ANKRD33B: variants seen among roughly 807,000 people sequenced by gnomAD.
ANKRD33B encodes the protein ankyrin repeat domain-containing protein 33B.
In ANKRD33B, 6 loss-of-function variants were observed where a neutral mutation model predicts 21.5. That is an observed-to-expected ratio of 0.28 (90% CI 0.15 to 0.55). The LOEUF (loss-of-function observed/expected upper bound fraction) is 0.55. Ranked by LOEUF, ANKRD33B falls within the 20% of genes least tolerant of loss-of-function variation. The pLI is 0.94. For missense variants in ANKRD33B, 698 were observed against 747.2 expected (o/e 0.93, Z 0.77); for synonymous variants, 347 against 342.4 (o/e 1.01, Z -0.15).
intron 2 of ANKRD33B, among the ~76,000 whole-genome samples, chr5:10,636,381 G>A (rs35950223): frequency 0.064 from 9,772 of 152,224 alleles, 387 homozygotes; most frequent in Middle Eastern, 0.18. Context: ...GGAGGCTGAG[G>A]CAGGAGAACT....
intron 1 of ANKRD33B, among the ~76,000 whole-genome samples, chr5:10,577,396 T>G (rs931040724): frequency 2.0e-5 from 3 of 152,200 alleles, no homozygotes; most frequent in African/African-American, 4.8e-5. Flanking sequence ...TCCCGTAGAT[T>G]ACAGGCGTGA....
At chr5:10,638,883 GCGGGT>G (rs1228290227) in intron 3 of ANKRD33B, among the ~76,000 whole-genome samples, 8,401 of 146,348 alleles carry the variant, frequency 0.057, 1,968 homozygotes, top group Non-Finnish European at 0.087. Context: ...GGTAATGTTA[GCGGGT>G]GACGTGGAGT....
rs1290727517 is a variant in ANKRD33B at position 10,650,119 on chromosome 5, C to G, written c.*6C>G. 1.4e-6 allele frequency: 2 copies of G among 1,476,750 alleles called. No individual in the cohort carries two copies. The highest frequency in any genetic ancestry group is 1.5e-5 in the African/African-American group (1 of 68,006). 91.5% of individuals were successfully genotyped at this position (1,476,750 alleles called of 1,614,324 possible). A position where few individuals can be genotyped will look rare whatever the true frequency, so the allele number is the denominator to read the frequency against. Reference sequence around the variant, plus strand: ...CCTGGAAGAAGAGGACGTGAGGGCCCGTGTGCCTGGCGCTGGGGCCGGGGC... The same window carrying G: ...CCTGGAAGAAGAGGACGTGAGGGCCGGTGTGCCTGGCGCTGGGGCCGGGGC... On this transcript the variant is annotated 3_prime_UTR_variant, in exon 4 of 4. Transcript: ENST00000296657.
chr5:10,607,731 G>A (rs1736080362), intron 1 of ANKRD33B, among the ~76,000 whole-genome samples: 1 of 152,172 alleles, frequency 6.6e-6, no homozygotes, highest in African/African-American at 2.4e-5. Flanking sequence ...GTGTTGTCAG[G>A]GACATTTTTG....
chr5:10,579,562 G>A (rs1381048290), intron 1 of ANKRD33B, among the ~76,000 whole-genome samples: 1 of 152,040 alleles, frequency 6.6e-6, no homozygotes, highest in African/African-American at 2.4e-5. Flanking sequence ...AAAATACCAG[G>A]TTCTTTACCT....
intron 2 of ANKRD33B, among the ~76,000 whole-genome samples, chr5:10,626,700 G>C (rs940570760): frequency 5.3e-5 from 8 of 152,192 alleles, no homozygotes; most frequent in Admixed American, 2.0e-4. Flanking sequence ...ACGGCTTCAC[G>C]TTGCAACACT....
At chr5:10,632,643 GT>G (rs1736753137) in intron 2 of ANKRD33B, among the ~76,000 whole-genome samples, 1 of 152,142 alleles carries the variant, frequency 6.6e-6, no homozygotes, top group Non-Finnish European at 1.5e-5. Flanking sequence ...TGGCTTCCTG[GT>G]GAGCTCCCCA....
At chr5:10,618,550 G>T in intron 2 of ANKRD33B, 88 bp downstream of exon 2, 1 of 1,432,348 alleles carries the variant, frequency 7.0e-7, no homozygotes, top group East Asian at 2.5e-5. Context: ...ATGCAGTCAG[G>T]ATGGAAATGA....
chr5:10,615,427 CAG>C (rs1357723336), intron 1 of ANKRD33B, among the ~76,000 whole-genome samples: 1 of 152,170 alleles, frequency 6.6e-6, no homozygotes, highest in African/African-American at 2.4e-5. Flanking sequence ...AAGTGAGAAA[CAG>C]ATCATCTGAG....
chr5:10,568,520 G>A (rs1735107292), intron 1 of ANKRD33B, among the ~76,000 whole-genome samples: 1 of 152,162 alleles, frequency 6.6e-6, no homozygotes, highest in African/African-American at 2.4e-5. Flanking sequence ...TGTCCTGATG[G>A]GATTCTGCTT....
At chr5:10,584,463 T>C (rs1176228318) in intron 1 of ANKRD33B, among the ~76,000 whole-genome samples, 1 of 151,878 alleles carries the variant, frequency 6.6e-6, no homozygotes, top group East Asian at 1.9e-4. Context: ...GGAGGATCAC[T>C]TGAGCTGGAA....
chr5:10,571,932 A>G (rs1324802430), intron 1 of ANKRD33B, among the ~76,000 whole-genome samples: 3 of 145,788 alleles, frequency 2.1e-5, no homozygotes, highest in African/African-American at 7.6e-5. Flanking sequence ...CTTATTGCCC[A>G]GGCCGGAGTG....
At chr5:10,622,188 G>T (rs1736435775) in intron 2 of ANKRD33B, among the ~76,000 whole-genome samples, 2 of 152,202 alleles carry the variant, frequency 1.3e-5, no homozygotes, top group Admixed American at 6.5e-5. Flanking sequence ...TTCTAACCTT[G>T]TAGAGTTGTG....
chr5:10,565,917 G>T (rs1447440841), intron 1 of ANKRD33B, among the ~76,000 whole-genome samples: 1 of 152,194 alleles, frequency 6.6e-6, no homozygotes, highest in Non-Finnish European at 1.5e-5. Flanking sequence ...TTTGACTTGG[G>T]GACCCGGGTG....
At chr5:10,635,673 G>T (rs1480850408) in intron 2 of ANKRD33B, among the ~76,000 whole-genome samples, 1 of 152,210 alleles carries the variant, frequency 6.6e-6, no homozygotes, top group African/African-American at 2.4e-5. Flanking sequence ...GATTTTGGTT[G>T]CCTGTTCCTT....
intron 2 of ANKRD33B, among the ~76,000 whole-genome samples, chr5:10,630,424 C>A (rs1379110777): frequency 6.6e-6 from 1 of 152,188 alleles, no homozygotes; most frequent in Admixed American, 6.5e-5. Flanking sequence ...ATCACGCCTG[C>A]AAACATCCCA....
chr5:10,605,928 G>A (rs73741401), intron 1 of ANKRD33B, among the ~76,000 whole-genome samples: 284 of 152,324 alleles, frequency 1.9e-3, no homozygotes, highest in African/African-American at 6.4e-3. Flanking sequence ...CTTAATTTCA[G>A]AAAGATTAAG....
rs1189379510 is a variant in ANKRD33B, at chr5:10,650,818, A to C, written c.*705A>C. 1 of 152,388 alleles carries C rather than the reference A, an allele frequency of 6.6e-6. No individual in the cohort carries two copies. The highest frequency in any genetic ancestry group is 2.4e-5 in the African/African-American group (1 of 41,462). 9.4% of individuals were successfully genotyped at this position (152,388 alleles called of 1,614,324 possible). On this transcript the variant is annotated 3_prime_UTR_variant, in exon 4 of 4. Coordinates refer to ENST00000296657, the MANE Select transcript of ANKRD33B (RefSeq NM_001164440.2). ...TATATTGAGGAAAAACATATTGTCA[A>C]ATTATAAAACAATGGAGCGATAAAC...
At position 10,649,612 on chromosome 5, in the gene ANKRD33B, C is replaced by A; in HGVS notation, c.984C>A (p.Cys328Ter). The part of the protein sequence containing the change: ...PAVAIVCQTV[C>*]PESPPSVGKR... ...TGGCCATCGTGTGCCAGACCGTGTGCCCTGAGAGCCCTCCGAGCGTGGGGA... is the reference window on the plus strand; with the variant it reads ...TGGCCATCGTGTGCCAGACCGTGTGACCTGAGAGCCCTCCGAGCGTGGGGA... Residue 328 changes from cysteine to a stop codon, truncating the protein, a stop_gained, in exon 4 of 4, where the codon TGC becomes TGA. Transcript: ENST00000296657. LOFTEE classifies it low-confidence loss of function (END_TRUNC). The A allele has an allele frequency of 6.5e-7, 1 of 1,530,994 alleles. No individual in the cohort carries two copies. The highest frequency in any genetic ancestry group is 8.7e-7 in the Non-Finnish European group (1 of 1,144,670). The allele number at this position is 1,530,994 out of a possible 1,614,324, so 94.8% of individuals were successfully genotyped here. A position where few individuals can be genotyped will look rare whatever the true frequency, so the allele number is the denominator to read the frequency against.
Sources: gnomAD v4.1 joint callset for allele counts (sites outside exome capture counted in the v4.1 genomes callset) on GRCh38, gnomAD v4.1.1 for gene constraint, MANE v1.5 for transcripts, NCBI Gene and HGNC (gene_info 2026-07-23, HGNC 2026-07-21) for gene names.